The following RAB36 variants were observed in gnomAD, a reference collection of about 807,000 sequenced individuals.
RAB36 encodes RAB36, member RAS oncogene family.
In RAB36, 33 loss-of-function variants were observed where a neutral mutation model predicts 39.3. That is an observed-to-expected ratio of 0.84 (90% CI 0.64 to 1.12). The LOEUF (loss-of-function observed/expected upper bound fraction) is 1.12. Among genes scored for constraint, RAB36 ranks in the 50% most tolerant of loss-of-function variants. RAB36 has a pLI of 0.00. For synonymous variants in RAB36, 133 were observed against 140.2 expected, an observed-to-expected ratio of 0.95 and a Z score of 0.36; for missense variants, 308 against 355.3, an observed-to-expected ratio of 0.87 and a Z score of 1.07.
chr22:23,160,702 GT>G (rs1246147163), intron 9 of RAB36, among the ~76,000 whole-genome samples, 176 bp from the exon 10 acceptor site: 1 of 152,170 alleles, frequency 6.6e-6, no homozygotes, highest in African/African-American at 2.4e-5. Flanking sequence ...CCCTGGCACT[GT>G]GCTGCCTGTG....
chr22:23,156,002 A>C lies in RAB36; in HGVS notation c.364A>C (p.Ile122Leu). ...AGCTGGGCAGGAGAAGTTCAAGTGCATCGCATCTGCCTACTACCGGGGTGC... is the reference window on the plus strand; with the variant it reads ...AGCTGGGCAGGAGAAGTTCAAGTGCCTCGCATCTGCCTACTACCGGGGTGC... ...DTAGQEKFKCIASAYYRGAQV... is the reference protein window; with the variant it reads ...DTAGQEKFKCLASAYYRGAQV... The change falls in exon 6 of 11, where the codon ATC becomes CTC. Residue 122 changes from isoleucine to leucine, a missense_variant. Transcript: ENST00000263116. 1.9e-6 allele frequency: 3 copies of C among 1,613,072 alleles called. No individual in the cohort carries two copies. Among genetic ancestry groups the C allele is most frequent in the Non-Finnish European group, 2.5e-6 (3 of 1,179,508 alleles).
rs557309193 is a variant in RAB36, at chr22:23,158,842, C to T, written c.447-56C>T. 1.6e-4 allele frequency: 251 copies of T among 1,525,394 alleles called. 1 individual carries two copies. Among genetic ancestry groups the T allele is most frequent in the Non-Finnish European group, 5.1e-5 (56 of 1,101,228 alleles). The allele number at this position is 1,525,394 out of a possible 1,614,324, so 94.5% of individuals were successfully genotyped here. On this transcript the variant is annotated intron_variant, in intron 7 of 10. Transcript: ENST00000263116. ...GGAGGTCCCAAGTGTGCCCTCTGCC[C>T]CCTGTTTGGGGTGGGAGGATGGGTG...
At chr22:23,145,731 G>A (rs761834420) in intron 1 of RAB36, among the ~76,000 whole-genome samples, 180 bp downstream of exon 1, 3 of 152,232 alleles carry the variant, frequency 2.0e-5, no homozygotes, top group Non-Finnish European at 4.4e-5. Context: ...GGCCAGGCCC[G>A]CGCTGGTTGT....
At chr22:23,151,652 TG>T (rs1428068566) in intron 3 of RAB36, among the ~76,000 whole-genome samples, 1 of 151,968 alleles carries the variant, frequency 6.6e-6, no homozygotes, top group Non-Finnish European at 1.5e-5. Context: ...GAGGCTGAGG[TG>T]GGAGGATCAC....
chr22:23,148,183 G>A (rs2070909051), intron 2 of RAB36, among the ~76,000 whole-genome samples: 1 of 152,064 alleles, frequency 6.6e-6, no homozygotes, highest in Non-Finnish European at 1.5e-5. Flanking sequence ...TCCTCCCTAA[G>A]TTCCTTCTTC....
At chr22:23,157,896 C>T (rs2146572180) in intron 6 of RAB36, 96 bp from the exon 7 acceptor site, 3 of 1,588,404 alleles carry the variant, frequency 1.9e-6, no homozygotes, top group South Asian at 2.3e-5. Flanking sequence ...TGGGGGGCTG[C>T]CCTGGCAGTT....
chr22:23,168,406 G>A (rs1319065678), downstream of RAB36, among the ~76,000 whole-genome samples: 2 of 152,176 alleles, frequency 1.3e-5, no homozygotes, highest in Admixed American at 1.3e-4. Flanking sequence ...GGTTTCAGAG[G>A]AAGAAACTCA....
Position 23,162,351 on chromosome 22 carries a change from C to G in RAB36, c.*787C>G. 1.6e-5 allele frequency: 5 copies of G among 318,652 alleles called. No individual in the cohort carries two copies. Among genetic ancestry groups the G allele is most frequent in the South Asian group, 1.3e-4 (5 of 37,358 alleles). The allele number at this position is 318,652 out of a possible 1,614,324, so 19.7% of individuals were successfully genotyped here. A position where few individuals can be genotyped will look rare whatever the true frequency, so the allele number is the denominator to read the frequency against. On this transcript the variant is annotated 3_prime_UTR_variant, in exon 11 of 11. Coordinates refer to ENST00000263116, the MANE Select transcript of RAB36 (RefSeq NM_004914.5). Reference sequence around the variant, plus strand: ...CCTGTGTGCTGCGGGAGGCAGACTGCACAGCTGTCCTAGGGTAACTCACTC... The same window carrying G: ...CCTGTGTGCTGCGGGAGGCAGACTGGACAGCTGTCCTAGGGTAACTCACTC...
Position 23,161,131 on chromosome 22 carries a change from C to T in RAB36, c.739+133C>T, listed in dbSNP as rs1029648652. 6.1e-6 allele frequency: 7 copies of T among 1,141,672 alleles called. No individual in the cohort carries two copies. In the African/African-American group the frequency reaches 9.4e-5, roughly 15 times the overall value. The allele number at this position is 1,141,672 out of a possible 1,614,324, so 70.7% of individuals were successfully genotyped here. On this transcript the variant is annotated intron_variant, in intron 10 of 10. Coordinates refer to ENST00000263116, the MANE Select transcript of RAB36 (RefSeq NM_004914.5). ...CTCTCCTGTCCTTTGACCCTCCTCT[C>T]AGGGTGTCACTGCAGCCTCAGGCCT...
At position 23,163,251 on chromosome 22, in the gene RAB36, C is replaced by T. The variant is rs145511078; in HGVS notation, c.*1687C>T. The T allele has an allele frequency of 5.1e-3, 760 of 150,114 alleles. 6 individuals carry two copies. Among genetic ancestry groups the T allele is most frequent in the African/African-American group, 0.017 (671 of 39,570 alleles). The allele number at this position is 150,114 out of a possible 1,614,324, so 9.3% of individuals were successfully genotyped here. On this transcript the variant is annotated 3_prime_UTR_variant, in exon 11 of 11. Transcript: ENST00000263116. ...CATTTTTATGTTTTCTTTTGGGCGG[C>T]GGGATGGAGTCTCTGTCACCCAGGC...
intron 5 of RAB36, among the ~76,000 whole-genome samples, chr22:23,155,457 C>T (rs1394391785): frequency 6.6e-6 from 1 of 152,204 alleles, no homozygotes; most frequent in Non-Finnish European, 1.5e-5. Flanking sequence ...CTGAGACCCA[C>T]CTATTGCTCC....
chr22:23,166,447 C>G (rs968282341), downstream of RAB36, among the ~76,000 whole-genome samples: 2 of 151,968 alleles, frequency 1.3e-5, no homozygotes, highest in Non-Finnish European at 2.9e-5. Context: ...TGTCCTGAGG[C>G]AAAGCAAGGG....
At position 23,150,116 on chromosome 22, in the gene RAB36, C is replaced by A; in HGVS notation, c.123C>A (p.Val41=). Residue 41 remains valine, a synonymous_variant, in exon 3 of 11, where the codon GTC becomes GTA. Transcript: ENST00000263116. The part of the protein sequence containing the change: ...LQLREHFHGQ[V]SAACQRRNTG... ...TCAGGGAGCACTTCCACGGGCAGGTCAGCGCTGCCTGCCAACGCAGGAACA... is the reference window on the plus strand; with the variant it reads ...TCAGGGAGCACTTCCACGGGCAGGTAAGCGCTGCCTGCCAACGCAGGAACA... The A allele has an allele frequency of 1.2e-6, 2 of 1,612,600 alleles. No homozygotes were observed. Among genetic ancestry groups the A allele is most frequent in the South Asian group, 1.1e-5 (1 of 90,742 alleles).
chr22:23,150,046 T>C lies in RAB36; in HGVS notation c.70-17T>C, dbSNP rs757213899. Reference sequence around the variant, plus strand: ...AGCTTTGCAGGATGATGTGTCCGTCTGTCTGTCTCTTTGCAGTGGTACACG... The same window carrying C: ...AGCTTTGCAGGATGATGTGTCCGTCCGTCTGTCTCTTTGCAGTGGTACACG... On this transcript the variant is annotated splice_polypyrimidine_tract_variant and intron_variant, in intron 2 of 10. Coordinates refer to ENST00000263116, the MANE Select transcript of RAB36 (RefSeq NM_004914.5). 1.4e-4 allele frequency: 223 copies of C among 1,586,838 alleles called. No individual in the cohort carries two copies. Among genetic ancestry groups the C allele is most frequent in the Non-Finnish European group, 1.9e-4 (216 of 1,162,456 alleles).
At chr22:23,149,068 C>G (rs539195507) in intron 2 of RAB36, among the ~76,000 whole-genome samples, 3 of 152,196 alleles carry the variant, frequency 2.0e-5, no homozygotes, top group African/African-American at 7.2e-5. Flanking sequence ...TCAATCACAG[C>G]TGGAACTGAG....
intron 6 of RAB36, among the ~76,000 whole-genome samples, chr22:23,157,761 C>T (rs1311442467): frequency 6.6e-6 from 1 of 152,224 alleles, no homozygotes; most frequent in Admixed American, 6.5e-5. Context: ...CCTTGTCCTG[C>T]CTCCCTGGAT....
chr22:23,147,712 C>T (rs1449790951), intron 2 of RAB36, among the ~76,000 whole-genome samples: 1 of 152,110 alleles, frequency 6.6e-6, no homozygotes, highest in Non-Finnish European at 1.5e-5. Context: ...GGGGTTGGAG[C>T]AGTTTGTAAG....
chr22:23,168,645 C>G (rs2072089883), downstream of RAB36, among the ~76,000 whole-genome samples: 1 of 152,222 alleles, frequency 6.6e-6, no homozygotes, highest in South Asian at 2.1e-4. Flanking sequence ...TGATGAGCAG[C>G]CAGGACGTAT....
chr22:23,153,692 CTTTTTTTTTTT>C (rs66463289), intron 5 of RAB36: 1 of 258,262 alleles, frequency 3.9e-6, no homozygotes, highest in Non-Finnish European at 4.9e-6. Flanking sequence ...CCACTTCTGT[CTTTTTTTTTTT>C]TTTTTTTTTT....
Sources: allele counts gnomAD v4.1 joint callset (sites outside exome capture counted in the v4.1 genomes callset), GRCh38; gene constraint gnomAD v4.1.1; transcripts MANE v1.5; gene names NCBI Gene and HGNC (gene_info 2026-07-23, HGNC 2026-07-21).